Variants in JARID2 observed in about 807,000 individuals in gnomAD.
JARID2 encodes jumonji and AT-rich interaction domain containing 2.
In JARID2, 21 loss-of-function variants were observed where a neutral mutation model predicts 125.6. The observed-to-expected ratio is 0.17, with a 90% confidence interval of 0.12 to 0.24. The LOEUF is 0.24. Ranked by LOEUF, JARID2 falls within the 10% of genes least tolerant of loss-of-function variation. The pLI, the probability that JARID2 is intolerant of heterozygous loss-of-function variation, is 1.00. For missense variants in JARID2, 1,303 were observed against 1,639.6 expected, an observed-to-expected ratio of 0.79 and a Z score of 3.55; for synonymous variants, 736 against 661.6, an observed-to-expected ratio of 1.11 and a Z score of -1.73.
chr6:15,381,341 C>CCAAAAAAAAAAA (rs70996539), intron 2 of JARID2, among the ~76,000 whole-genome samples: 1 of 92,978 alleles, frequency 1.1e-5, no homozygotes. Flanking sequence ...ACTCCTGTCT[C>CCAAAAAAAAAAA]AAAAAAAAAA....
At chr6:15,390,665 C>T (rs988107243) in intron 2 of JARID2, among the ~76,000 whole-genome samples, 8 of 152,166 alleles carry the variant, frequency 5.3e-5, no homozygotes, top group African/African-American at 1.9e-4. Flanking sequence ...TGGGCCTTCT[C>T]ATGTGTGCTC....
intron 2 of JARID2, among the ~76,000 whole-genome samples, chr6:15,408,280 C>T (rs1447202504): frequency 1.3e-5 from 2 of 152,172 alleles, no homozygotes; most frequent in African/African-American, 4.8e-5. Flanking sequence ...TTGAACTCCA[C>T]CAAGACGATA....
At position 15,452,062 on chromosome 6, in the gene JARID2, C is replaced by G. The variant is rs745920975; in HGVS notation, c.380C>G (p.Thr127Arg). ...FAQSQPNSPS[T>R]TPVKIVEPLL... ...CAGTCTCAGCCGAATAGTCCCAGCA[C>G]AACTCCAGTAAAGATAGTGGAGCCA... The change falls in exon 4 of 18, where the codon ACA becomes AGA. Residue 127 changes from threonine (T) to arginine (R), a missense_variant. Physicochemically the swap from Thr to Arg is moderately conservative, Grantham distance 71 (BLOSUM62 -1). This residue lies in a region of JARID2 where 42 missense variants were observed against 35.7 expected (regional missense o/e 1.18). Transcript: ENST00000341776. 7 of 1,614,022 alleles carry G rather than the reference C, an allele frequency of 4.3e-6. No homozygotes were observed. The highest frequency in any genetic ancestry group is 1.6e-4 in the Middle Eastern group (1 of 6,084).
chr6:15,330,018 C>T (rs1159139916), intron 1 of JARID2, among the ~76,000 whole-genome samples: 1 of 152,186 alleles, frequency 6.6e-6, no homozygotes, highest in Admixed American at 6.5e-5. Flanking sequence ...ACTTGACATT[C>T]ATTTAAGGAA....
chr6:15,335,280 A>G (rs707832), intron 1 of JARID2, among the ~76,000 whole-genome samples: 119,534 of 151,938 alleles, frequency 0.79, 47,161 homozygotes, highest in East Asian at 0.85. Flanking sequence ...TTGTATTTTT[A>G]GTAGAGACAG....
intron 2 of JARID2, among the ~76,000 whole-genome samples, chr6:15,394,969 A>G (rs1420876742): frequency 2.6e-5 from 4 of 151,284 alleles, no homozygotes; most frequent in Non-Finnish European, 5.9e-5. Context: ...ATGGACATAG[A>G]ATTTAAACCA....
At chr6:15,300,541 C>T (rs9358058) in intron 1 of JARID2, among the ~76,000 whole-genome samples, 3,606 of 152,160 alleles carry the variant, frequency 0.024, 88 homozygotes, top group South Asian at 0.1. Context: ...CTTCTTTAAC[C>T]GCTTGCAGCC....
chr6:15,502,241 CAGCTGTCCTGGCTCTGAAGCAAGG>C (rs1770775567), intron 8 of JARID2, among the ~76,000 whole-genome samples: 1 of 152,234 alleles, frequency 6.6e-6, no homozygotes, highest in South Asian at 2.1e-4. Context: ...GCAGCTCTCC[CAGCTGTCCTGGCTCTGAAGCAAGG>C]CTTGGGGTTT....
At chr6:15,439,086 CAG>C (rs924757899) in intron 3 of JARID2, among the ~76,000 whole-genome samples, 17 of 149,552 alleles carry the variant, frequency 1.1e-4, no homozygotes, top group Non-Finnish European at 1.8e-4. Context: ...GGCAGTGGAA[CAG>C]GGGAGAATGA....
At chr6:15,323,255 A>T (rs990533577) in intron 1 of JARID2, among the ~76,000 whole-genome samples, 1 of 152,194 alleles carries the variant, frequency 6.6e-6, no homozygotes, top group Non-Finnish European at 1.5e-5. Flanking sequence ...CATTAAGCAT[A>T]TCTGAACTGT....
chr6:15,294,838 A>T (rs1761350145), intron 1 of JARID2, among the ~76,000 whole-genome samples: 1 of 152,196 alleles, frequency 6.6e-6, no homozygotes, highest in African/African-American at 2.4e-5. Context: ...ATACAAGGGA[A>T]GGACTTTGTC....
intron 1 of JARID2, among the ~76,000 whole-genome samples, chr6:15,316,652 A>C (rs1371551172): frequency 6.6e-6 from 1 of 151,954 alleles, no homozygotes; most frequent in African/African-American, 2.4e-5. Flanking sequence ...ACAGGCACCC[A>C]CCACCATGCC....
chr6:15,273,171 C>G (rs1760365374), intron 1 of JARID2, among the ~76,000 whole-genome samples: 1 of 152,080 alleles, frequency 6.6e-6, no homozygotes, highest in South Asian at 2.1e-4. Flanking sequence ...GGAAACATCG[C>G]AGTTGCATGT....
At chr6:15,401,167 T>C in intron 2 of JARID2, 1 of 898,424 alleles carries the variant, frequency 1.1e-6, no homozygotes, top group South Asian at 2.2e-5. Context: ...TATATATATA[T>C]ATATATGAGA....
intron 1 of JARID2, among the ~76,000 whole-genome samples, chr6:15,328,440 A>G (rs1167270709): frequency 6.6e-6 from 1 of 152,206 alleles, no homozygotes; most frequent in Non-Finnish European, 1.5e-5. Flanking sequence ...TTATACCTGT[A>G]GTTACTTGAA....
At position 15,248,732 on chromosome 6, in the gene JARID2, C is replaced by G. The variant is rs1005445324; in HGVS notation, c.45+2148C>G. The G allele has an allele frequency of 1.6e-4, 29 of 176,302 alleles. No individual in the cohort carries two copies. In the Admixed American group the frequency reaches 1.9e-3, roughly 12 times the overall value. The allele number at this position is 176,302 out of a possible 1,614,324, so 10.9% of individuals were successfully genotyped here. On this transcript the variant is annotated intron_variant, in intron 1 of 17. Coordinates refer to ENST00000341776, the MANE Select transcript of JARID2 (RefSeq NM_004973.4). ...GTTCCCCGACGCTCCCGGCCGCACT[C>G]TGTTGTCATTGTGACGTCACAAAGG...
At chr6:15,513,178 C>G in intron 15 of JARID2, 61 bp from the exon 16 acceptor site, 7 of 1,563,154 alleles carry the variant, frequency 4.5e-6, no homozygotes, top group Non-Finnish European at 5.2e-6. Flanking sequence ...CGTGTGTCCC[C>G]TCTGCTGGTG....
At chr6:15,462,748 G>C (rs549884574) in intron 4 of JARID2, among the ~76,000 whole-genome samples, 1 of 152,318 alleles carries the variant, frequency 6.6e-6, no homozygotes, top group African/African-American at 2.4e-5. Flanking sequence ...ACAGCCAAGC[G>C]ATGTTTCGCT....
At chr6:15,342,943 C>A (rs535713274) in intron 1 of JARID2, among the ~76,000 whole-genome samples, 2 of 152,152 alleles carry the variant, frequency 1.3e-5, no homozygotes, top group African/African-American at 4.8e-5. Flanking sequence ...AGCAGTGGCT[C>A]ACGCCTGTAA....
Sources: gnomAD v4.1 joint callset for allele counts (sites outside exome capture counted in the v4.1 genomes callset) on GRCh38, gnomAD v4.1.1 for gene constraint, gnomAD v4.1.1 regional missense constraint, MANE v1.5 for transcripts, NCBI Gene and HGNC (gene_info 2026-07-23, HGNC 2026-07-21) for gene names.